ATP13A4: variants seen among roughly 807,000 people sequenced by gnomAD.
The protein encoded by ATP13A4 is probable cation-transporting ATPase 13A4.
ATP13A4 carries 114 observed loss-of-function variants against 142.5 expected under a neutral mutation model. That is an observed-to-expected ratio of 0.80 (90% CI 0.69 to 0.93). ATP13A4 has a LOEUF of 0.93. Ranked by LOEUF, ATP13A4 falls within the 40% of genes least tolerant of loss-of-function variation. The pLI is 0.00. For missense variants in ATP13A4, 1,392 were observed against 1,454.0 expected, an observed-to-expected ratio of 0.96 and a Z score of 0.69; for synonymous variants, 488 against 514.8, an observed-to-expected ratio of 0.95 and a Z score of 0.70.
At chr3:193,555,202 T>C (rs1187136156), upstream of ATP13A4, 4 of 319,064 alleles carry the variant, frequency 1.3e-5, no homozygotes, top group East Asian at 3.1e-4. Flanking sequence ...TTCTCAGGAG[T>C]GAGGAGCGGG....
At chr3:193,438,370 G>T in intron 23 of ATP13A4, 105 bp downstream of exon 23, 3 of 928,938 alleles carry the variant, frequency 3.2e-6, no homozygotes, top group Non-Finnish European at 5.2e-6. Flanking sequence ...AACACCCTCC[G>T]CACCCAGGGA....
chr3:193,430,256 G>A (rs373070578), intron 25 of ATP13A4, among the ~76,000 whole-genome samples: 32 of 152,212 alleles, frequency 2.1e-4, no homozygotes, highest in African/African-American at 7.5e-4. Context: ...GATAAATTTG[G>A]CTTCGTGTGA....
Position 193,448,247 on chromosome 3 carries a change from T to G in ATP13A4, c.2111A>C (p.Glu704Ala), listed in dbSNP as rs750651530. 166 of 1,614,214 alleles carry G rather than the reference T, an allele frequency of 1.0e-4. No individual in the cohort carries two copies. The East Asian group carries it at 3.5e-3, about 34-fold the overall frequency. ...CCTTATCCGGGCTGAGATGAGCTCTTCCAAGACAGGTTTTGTCTCTTCCTT... is the reference window on the plus strand; with the variant it reads ...CCTTATCCGGGCTGAGATGAGCTCTGCCAAGACAGGTTTTGTCTCTTCCTT... ...RLKEETKPVL[E>A]ELISARIRTV... Residue 704 changes from glutamate (E) to alanine (A), a missense_variant, in exon 18 of 30, where the codon GAA (glutamate) becomes GCA (alanine). Coordinates refer to ENST00000342695, the MANE Select transcript of ATP13A4 (RefSeq NM_032279.4).
chr3:193,522,172 A>T (rs1385741541), intron 1 of ATP13A4, among the ~76,000 whole-genome samples: 20 of 152,124 alleles, frequency 1.3e-4, no homozygotes, highest in Admixed American at 1.3e-3. Context: ...TCCTTTTCTC[A>T]GCCCAGTGTG....
At position 193,442,539 on chromosome 3, in the gene ATP13A4, C is replaced by T. The variant is rs1409545609; in HGVS notation, c.2170G>A (p.Ala724Thr). The stretch of plus-strand genomic sequence containing the variant: ...CCAGATTTTCTGGCCACTGTTATTG[C>T]AGTCTGAAGATTGTCACCTAGAGGA... ...VMITGDNLQTAITVARKSGMV... is the reference protein window; with the variant it reads ...VMITGDNLQTTITVARKSGMV... Residue 724 changes from alanine to threonine, a missense_variant, in exon 19 of 30, where the codon GCA becomes ACA. Coordinates refer to ENST00000342695, the MANE Select transcript of ATP13A4 (RefSeq NM_032279.4). 6.2e-7 allele frequency: 1 copy of T among 1,613,854 alleles called. No individual in the cohort carries two copies. The highest frequency in any genetic ancestry group is 2.2e-5 in the East Asian group (1 of 44,868).
At chr3:193,462,853 T>A (rs1360922245) in intron 12 of ATP13A4, 30 bp from the exon 13 acceptor site, 7 of 1,609,898 alleles carry the variant, frequency 4.3e-6, no homozygotes, top group Non-Finnish European at 5.9e-6. Flanking sequence ...CCATTTACTC[T>A]GAAGATCCAG....
intron 13 of ATP13A4, 37 bp downstream of exon 13, chr3:193,462,725 C>G (rs1358101559): frequency 6.3e-7 from 1 of 1,582,328 alleles, no homozygotes; most frequent in African/African-American, 1.3e-5. Context: ...AAAAGAGACA[C>G]TAGAATGCAT....
At chr3:193,453,930 C>T (rs1576979390) in intron 17 of ATP13A4, among the ~76,000 whole-genome samples, 171 bp downstream of exon 17, 1 of 152,154 alleles carries the variant, frequency 6.6e-6, no homozygotes. Flanking sequence ...ATTACTATAT[C>T]CCTATTTACC....
intron 1 of ATP13A4, among the ~76,000 whole-genome samples, chr3:193,527,937 A>G (rs1252938255): frequency 6.6e-6 from 1 of 152,124 alleles, no homozygotes; most frequent in African/African-American, 2.4e-5. Context: ...TCTTGTAGCA[A>G]TAGGAACCTT....
chr3:193,456,863 T>C, intron 16 of ATP13A4, 137 bp downstream of exon 16: 1 of 1,081,270 alleles, frequency 9.2e-7, no homozygotes. Flanking sequence ...TTGGTTTTCG[T>C]ATTGAATTTG....
chr3:193,586,481 C>T (rs1724674081), intron 1 of ATP13A4, among the ~76,000 whole-genome samples: 1 of 151,990 alleles, frequency 6.6e-6, no homozygotes, highest in South Asian at 2.1e-4. Flanking sequence ...GGGCTATGTC[C>T]CAGTTTATAC....
chr3:193,465,430 C>T (rs200293158), intron 11 of ATP13A4, among the ~76,000 whole-genome samples: 2 of 152,278 alleles, frequency 1.3e-5, no homozygotes, highest in East Asian at 3.9e-4. Flanking sequence ...TCAGGTGATC[C>T]ACCTGCCTTG....
At position 193,400,010 on chromosome 3, in the gene ATP13A4, T is replaced by C. The variant is rs138296271; in HGVS notation, c.*2642A>G. On this transcript the variant is annotated 3_prime_UTR_variant, in exon 30 of 30. Coordinates refer to ENST00000342695, the MANE Select transcript of ATP13A4 (RefSeq NM_032279.4). ...CACTTGTTCCTCCAATGTCCTAGAG[T>C]ACATTCCACTGCTATCAGTGCTGGC... Among the ~76,000 whole-genome samples the C allele has an allele frequency of 6.6e-6, 1 of 152,310 alleles. No individual in the cohort carries two copies. Among genetic ancestry groups the C allele is most frequent in the East Asian group, 1.9e-4 (1 of 5,174 alleles).
At chr3:193,541,248 CAAAAAAAAAAA>C (rs71179308) in intron 1 of ATP13A4, among the ~76,000 whole-genome samples, 10 of 51,284 alleles carry the variant, frequency 1.9e-4, no homozygotes, top group African/African-American at 7.0e-4. Context: ...GACTCCTTCT[CAAAAAAAAAAA>C]AAAAAAAAAA....
rs763751641 is a variant in ATP13A4, at chr3:193,483,927, G to A, written c.808+9C>T. On this transcript the variant is annotated intron_variant, in intron 8 of 29. Coordinates refer to ENST00000342695, the MANE Select transcript of ATP13A4 (RefSeq NM_032279.4). Reference sequence around the variant, plus strand: ...GAATAGCATATAGATCTAAAATAATGGAACTTACCTTTTCTCCCACATACA... The same window carrying A: ...GAATAGCATATAGATCTAAAATAATAGAACTTACCTTTTCTCCCACATACA... 6.4e-7 allele frequency: 1 copy of A among 1,572,998 alleles called. No individual in the cohort carries two copies. Among genetic ancestry groups the A allele is most frequent in the East Asian group, 2.2e-5 (1 of 44,620 alleles).
rs1231881138 is a variant in ATP13A4, at chr3:193,414,684, G to C, written c.2909C>G (p.Pro970Arg). 9 of 1,614,154 alleles carry C rather than the reference G, an allele frequency of 5.6e-6. No homozygotes were observed. The highest frequency in any genetic ancestry group is 7.6e-6 in the Non-Finnish European group (9 of 1,180,014). ...FRPAGRLISP[P>R]LLLSVIFNIL... ...GTTGAAAATCACAGAGAGTAGCAGA[G>C]GTGGAGAGATCAGCCGTCCTGCAGG... The change falls in exon 26 of 30, where the codon CCT becomes CGT. Residue 970 changes from proline to arginine, a missense_variant. Coordinates refer to ENST00000342695, the MANE Select transcript of ATP13A4 (RefSeq NM_032279.4).
At chr3:193,440,712 ATGTTGAC>A in intron 20 of ATP13A4, 75 bp from the exon 21 acceptor site, 1 of 1,457,206 alleles carries the variant, frequency 6.9e-7, no homozygotes, top group African/African-American at 1.4e-5. Flanking sequence ...AACACTCAGA[ATGTTGAC>A]TGCATCATGA....
chr3:193,481,558 T>C (rs1226491860), intron 8 of ATP13A4, among the ~76,000 whole-genome samples: 1 of 152,198 alleles, frequency 6.6e-6, no homozygotes, highest in East Asian at 1.9e-4. Flanking sequence ...TTACAAATTA[T>C]TATTTTTTAA....
chr3:193,488,034 T>C (rs917270050), intron 7 of ATP13A4, among the ~76,000 whole-genome samples: 1 of 151,992 alleles, frequency 6.6e-6, no homozygotes, highest in African/African-American at 2.4e-5. Flanking sequence ...GAGGCTGAGG[T>C]GGGTGGATCA....
Sources: allele counts gnomAD v4.1 joint callset (sites outside exome capture counted in the v4.1 genomes callset), GRCh38; gene constraint gnomAD v4.1.1; transcripts MANE v1.5; gene names NCBI Gene and HGNC (gene_info 2026-07-23, HGNC 2026-07-21).